The following DOCK8 variants were observed in gnomAD, a reference collection of about 807,000 sequenced individuals.
DOCK8 encodes dedicator of cytokinesis 8.
A neutral mutation model predicts 245.6 loss-of-function variants in DOCK8; 141 were observed. That is an observed-to-expected ratio of 0.57 (90% CI 0.50 to 0.66). DOCK8 has a LOEUF of 0.66. Ranked by LOEUF, DOCK8 falls within the 30% of genes least tolerant of loss-of-function variation. The probability of loss-of-function intolerance (pLI) is 0.00; values close to 1 mark genes in which losing one functional copy is unlikely to be tolerated. For synonymous variants in DOCK8, 1,168 were observed against 970.2 expected (o/e 1.20, Z -3.79); for missense variants, 2,965 against 2,603.4 (o/e 1.14, Z -3.02).
At chr9:263,223 A>AC (rs2047961143) in intron 1 of DOCK8, among the ~76,000 whole-genome samples, 1 of 151,544 alleles carries the variant, frequency 6.6e-6, no homozygotes, top group African/African-American at 2.4e-5. Context: ...AAAAAAAAAA[A>AC]ACCTGATATA....
intron 6 of DOCK8, among the ~76,000 whole-genome samples, chr9:315,114 G>T (rs1253850710): frequency 3.3e-5 from 5 of 152,168 alleles, no homozygotes; most frequent in African/African-American, 1.2e-4. Flanking sequence ...AAGGCTAGGG[G>T]AGTACTTCTT....
chr9:430,597 G>A (rs886295854), intron 36 of DOCK8, among the ~76,000 whole-genome samples: 8 of 151,412 alleles, frequency 5.3e-5, no homozygotes, highest in Non-Finnish European at 7.4e-5. Context: ...CACGAGAATC[G>A]CTTGAACCCA....
chr9:271,362 A>G (rs1055626075), intron 1 of DOCK8, among the ~76,000 whole-genome samples: 3 of 152,076 alleles, frequency 2.0e-5, no homozygotes, highest in African/African-American at 7.3e-5. Flanking sequence ...TTGGGCCTCA[A>G]AGTCCTCCTT....
At chr9:227,539 A>G (rs995350072) in intron 1 of DOCK8, among the ~76,000 whole-genome samples, 14 of 152,192 alleles carry the variant, frequency 9.2e-5, no homozygotes, top group Admixed American at 9.2e-4. Flanking sequence ...ATTAAAGCAG[A>G]GCTGCAGCTG....
In DOCK8 at chr9:383,305, T is replaced by C. The variant is rs534963432; in HGVS notation, c.2778+620T>C. On this transcript the variant is annotated intron_variant, in intron 22 of 47. Transcript: ENST00000432829. The stretch of plus-strand genomic sequence containing the variant: ...ATCTCAGCACTTTGGGAGGCCGAGG[T>C]GGGTGGATCACAAGGTCAGGAGTTC... Among the ~76,000 whole-genome samples, 7 of 151,940 alleles carry C rather than the reference T, an allele frequency of 4.6e-5. 1 individual carries two copies. The highest frequency in any genetic ancestry group is 8.8e-5 in the Non-Finnish European group (6 of 67,956).
chr9:397,924 A>G (rs547092719), intron 25 of DOCK8, among the ~76,000 whole-genome samples: 1 of 152,372 alleles, frequency 6.6e-6, no homozygotes, highest in South Asian at 2.1e-4. Flanking sequence ...CTGTAAGTTT[A>G]AAATTGTTTC....
chr9:211,697 T>C (rs2046622065), upstream of DOCK8, among the ~76,000 whole-genome samples: 1 of 152,054 alleles, frequency 6.6e-6, no homozygotes, highest in Non-Finnish European at 1.5e-5. Context: ...GACGTATTTC[T>C]AAAGTTCAGA....
intron 39 of DOCK8, among the ~76,000 whole-genome samples, chr9:436,196 C>A (rs566319366): frequency 6.6e-6 from 1 of 152,294 alleles, no homozygotes; most frequent in African/African-American, 2.4e-5. Context: ...TTCTTATGGT[C>A]CTCAAGAACA....
chr9:244,356 A>G (rs910812905), intron 1 of DOCK8, among the ~76,000 whole-genome samples: 2 of 151,968 alleles, frequency 1.3e-5, no homozygotes, highest in African/African-American at 4.8e-5. Context: ...AATTCATTCA[A>G]CATTTTCTAT....
intron 1 of DOCK8, among the ~76,000 whole-genome samples, chr9:237,156 C>A (rs971410696): frequency 3.9e-5 from 6 of 152,222 alleles, no homozygotes; most frequent in African/African-American, 1.4e-4. Flanking sequence ...TGTAGACCTA[C>A]TGTGGTTTGC....
chr9:417,651 T>A (rs559141643), intron 29 of DOCK8, among the ~76,000 whole-genome samples: 60 of 152,356 alleles, frequency 3.9e-4, no homozygotes, highest in African/African-American at 1.3e-3. Context: ...TTTAAACATT[T>A]GAAATATGAC....
chr9:317,922 A>G (rs1331279856), intron 7 of DOCK8, among the ~76,000 whole-genome samples: 2 of 152,296 alleles, frequency 1.3e-5, no homozygotes, highest in East Asian at 3.9e-4. Context: ...ATTATTTGCC[A>G]CATCTACTTC....
At chr9:253,999 CTGT>C (rs1009460325) in intron 1 of DOCK8, among the ~76,000 whole-genome samples, 17 of 152,226 alleles carry the variant, frequency 1.1e-4, no homozygotes, top group African/African-American at 3.4e-4. Flanking sequence ...TTGAAGCTAA[CTGT>C]TGTTCCCTTG....
In DOCK8 at chr9:397,904, T is replaced by C. The variant is rs375505859; in HGVS notation, c.3120+970T>C. ...ATACAGTAGTTCTTTGTACTATTCT[T>C]GCACCTTTTCTGTAAGTTTAAAATT... is the stretch of plus-strand genomic sequence containing the variant. On this transcript the variant is annotated intron_variant, in intron 25 of 47. Coordinates refer to ENST00000432829, the MANE Select transcript of DOCK8 (RefSeq NM_203447.4). 6.9e-4 allele frequency among the ~76,000 whole-genome samples: 105 copies of C among 152,348 alleles called. 1 individual carries two copies. In the South Asian group the frequency reaches 0.021, roughly 30 times the overall value.
intron 23 of DOCK8, among the ~76,000 whole-genome samples, 193 bp from the exon 24 acceptor site, chr9:390,278 C>T (rs901048056): frequency 2.0e-5 from 3 of 152,158 alleles, no homozygotes; most frequent in African/African-American, 4.8e-5. Context: ...TTCTATGCAC[C>T]GAAATGTCCT....
At chr9:219,240 C>A (rs537655806) in intron 1 of DOCK8, among the ~76,000 whole-genome samples, 1 of 152,136 alleles carries the variant, frequency 6.6e-6, no homozygotes, top group African/African-American at 2.4e-5. Context: ...GAGGCCAAGG[C>A]GGGACGATCA....
chr9:425,761 G>GAAA (rs375380501), intron 33 of DOCK8, among the ~76,000 whole-genome samples: 5 of 101,120 alleles, frequency 4.9e-5, no homozygotes, highest in Admixed American at 1.0e-4. Flanking sequence ...TGTCTCTAAG[G>GAAA]AAAAAAAAAA....
chr9:314,127 A>T (rs1487585880), intron 6 of DOCK8, among the ~76,000 whole-genome samples: 1 of 152,250 alleles, frequency 6.6e-6, no homozygotes, highest in Non-Finnish European at 1.5e-5. Context: ...CATACATATG[A>T]CTACCTGGTA....
intron 9 of DOCK8, among the ~76,000 whole-genome samples, chr9:328,922 A>G (rs1193269602): frequency 1.4e-5 from 2 of 144,154 alleles, no homozygotes; most frequent in Non-Finnish European, 3.0e-5. Context: ...CTTAGGCCAG[A>G]TAATTGGTCT....
Sources: allele counts gnomAD v4.1 joint callset (sites outside exome capture counted in the v4.1 genomes callset), GRCh38; gene constraint gnomAD v4.1.1; transcripts MANE v1.5; gene names NCBI Gene and HGNC (gene_info 2026-07-23, HGNC 2026-07-21).